The following LPGAT1 variants were observed in gnomAD, a reference collection of about 807,000 sequenced individuals.
LPGAT1 encodes the protein lysophosphatidylglycerol acyltransferase 1, also known as acyl-CoA:lysophosphatidylglycerol acyltransferase 1.
A neutral mutation model predicts 47.5 loss-of-function variants in LPGAT1; 11 were observed. The ratio of observed to expected loss-of-function variants is 0.23; its 90% CI spans 0.15 to 0.38. LPGAT1 has a LOEUF of 0.38. Ranked by LOEUF, LPGAT1 falls within the 10% of genes least tolerant of loss-of-function variation. The pLI is 1.00. For synonymous variants in LPGAT1, 138 were observed against 144.2 expected, an observed-to-expected ratio of 0.96 and a Z score of 0.31; for missense variants, 293 against 439.0, an observed-to-expected ratio of 0.67 and a Z score of 2.97.
Position 211,786,874 on chromosome 1 carries a change from A to G in LPGAT1, c.453+758T>C, listed in dbSNP as rs184079308. 2.6e-5 allele frequency among the ~76,000 whole-genome samples: 4 copies of G among 152,302 alleles called. No individual in the cohort carries two copies. The East Asian group carries it at 7.7e-4, about 29-fold the overall frequency. Reference sequence around the variant, plus strand: ...AATAGTGATACAATAGTAGTAATCAAGATAAAAATGATGATGAAGGTAGTA... The same window carrying G: ...AATAGTGATACAATAGTAGTAATCAGGATAAAAATGATGATGAAGGTAGTA... On this transcript the variant is annotated intron_variant, in intron 4 of 7. Transcript: ENST00000366997.
chr1:211,747,177 T>C lies in LPGAT1; in HGVS notation c.*2722A>G, dbSNP rs1210800255. The C allele has an allele frequency of 6.6e-6, 1 of 152,212 alleles. No individual in the cohort carries two copies. Among genetic ancestry groups the C allele is most frequent in the Admixed American group, 6.5e-5 (1 of 15,284 alleles). The allele number at this position is 152,212 out of a possible 1,614,324, so 9.4% of individuals were successfully genotyped here. A position where few individuals can be genotyped will look rare whatever the true frequency, so the allele number is the denominator to read the frequency against. On this transcript the variant is annotated 3_prime_UTR_variant, in exon 8 of 8. Coordinates refer to ENST00000366997, the MANE Select transcript of LPGAT1 (RefSeq NM_014873.3). ...ATATTGCTGCTTCCCCAGATTGCCATATAAGAATACTGATTCTCTCTTTAC... is the reference window on the plus strand; with the variant it reads ...ATATTGCTGCTTCCCCAGATTGCCACATAAGAATACTGATTCTCTCTTTAC...
At chr1:211,805,684 A>G (rs969837874) in intron 2 of LPGAT1, among the ~76,000 whole-genome samples, 13 of 152,234 alleles carry the variant, frequency 8.5e-5, no homozygotes, top group Non-Finnish European at 1.0e-4. Flanking sequence ...AATTTGGCCC[A>G]GATGGTTTCA....
At chr1:211,786,851 T>TTTAGATATCTACTATATTATACAAC (rs1658898909) in intron 4 of LPGAT1, among the ~76,000 whole-genome samples, 1 of 152,164 alleles carries the variant, frequency 6.6e-6, no homozygotes, top group Non-Finnish European at 1.5e-5. Flanking sequence ...ATAAAAGTAA[T>TTTAGATATCTACTATATTATACAAC]AGTGATACAA....
chr1:211,768,564 C>T (rs1450313970), intron 6 of LPGAT1, among the ~76,000 whole-genome samples: 1 of 152,152 alleles, frequency 6.6e-6, no homozygotes, highest in Non-Finnish European at 1.5e-5. Context: ...AAATTATAGC[C>T]AGTGCATTAT....
intron 6 of LPGAT1, among the ~76,000 whole-genome samples, chr1:211,762,000 G>C (rs372462934): frequency 2.0e-5 from 3 of 152,120 alleles, no homozygotes; most frequent in East Asian, 3.8e-4. Context: ...CACAGAATAG[G>C]TACTCTTTGT....
intron 3 of LPGAT1, among the ~76,000 whole-genome samples, chr1:211,792,715 T>TTTC (rs1233854683): frequency 1.4e-5 from 2 of 141,580 alleles, no homozygotes; most frequent in South Asian, 2.3e-4. Context: ...GATTCCCTTT[T>TTTC]TTTTTTTTTT....
rs1656924388 is a variant in LPGAT1, at chr1:211,745,941, G to A, written c.*3958C>T. On this transcript the variant is annotated 3_prime_UTR_variant, in exon 8 of 8. Transcript: ENST00000366997. ...TTTTATCCATCCTCTGTGGACCAGA[G>A]CTGAACACACTCATAATGGTAACTC... The A allele has an allele frequency of 6.6e-6, 1 of 152,586 alleles. No homozygotes were observed. Among genetic ancestry groups the A allele is most frequent in the South Asian group, 2.1e-4 (1 of 4,826 alleles). 9.5% of individuals were successfully genotyped at this position (152,586 alleles called of 1,614,324 possible).
rs545961812 is a variant in LPGAT1 at position 211,773,876 on chromosome 1, G to A, written c.854+5042C>T. ...GTAAGTCTTAGTTCTTTTAAAATAAGCATTACTTTTGAAAAAGTTCAATAA... is the reference window on the plus strand; with the variant it reads ...GTAAGTCTTAGTTCTTTTAAAATAAACATTACTTTTGAAAAAGTTCAATAA... On this transcript the variant is annotated intron_variant, in intron 6 of 7. Transcript: ENST00000366997. 4.6e-5 allele frequency among the ~76,000 whole-genome samples: 7 copies of A among 152,130 alleles called. No homozygotes were observed. In the South Asian group the frequency reaches 1.2e-3, roughly 27 times the overall value.
intron 6 of LPGAT1, among the ~76,000 whole-genome samples, chr1:211,753,911 T>C (rs1233418890): frequency 6.6e-6 from 1 of 152,218 alleles, no homozygotes; most frequent in Non-Finnish European, 1.5e-5. Flanking sequence ...TTATCTCGGC[T>C]GGGCCATTAA....
Position 211,745,445 on chromosome 1 carries a change from A to G in LPGAT1, c.*4454T>C, listed in dbSNP as rs961921530. 2.0e-4 allele frequency: 31 copies of G among 152,244 alleles called. No individual in the cohort carries two copies. The highest frequency in any genetic ancestry group is 7.5e-4 in the African/African-American group (31 of 41,458). 9.4% of individuals were successfully genotyped at this position (152,244 alleles called of 1,614,324 possible). On this transcript the variant is annotated 3_prime_UTR_variant, in exon 8 of 8. Coordinates refer to ENST00000366997, the MANE Select transcript of LPGAT1 (RefSeq NM_014873.3). ...CTTACACGTAAAGAATTTGTGCATC[A>G]CAGTCATGTGTTCAACAGTTTTACA... is the stretch of plus-strand genomic sequence containing the variant.
intron 2 of LPGAT1, among the ~76,000 whole-genome samples, chr1:211,811,015 G>A (rs1291656541): frequency 6.6e-6 from 1 of 152,200 alleles, no homozygotes; most frequent in East Asian, 1.9e-4. Context: ...TTTAAATAAA[G>A]AGAACATTCA....
intron 6 of LPGAT1, among the ~76,000 whole-genome samples, chr1:211,777,876 A>G (rs1658469337): frequency 6.6e-6 from 1 of 152,176 alleles, no homozygotes; most frequent in South Asian, 2.1e-4. Flanking sequence ...TACAGGTCAT[A>G]AAGACCTTGC....
chr1:211,760,457 C>A (rs931671721), intron 6 of LPGAT1, among the ~76,000 whole-genome samples: 1 of 152,080 alleles, frequency 6.6e-6, no homozygotes, highest in Non-Finnish European at 1.5e-5. Flanking sequence ...CTCCGTCCCC[C>A]CAACCCCCCT....
rs563067323 is a variant in LPGAT1, at chr1:211,783,467, G to C, written c.489C>G (p.Leu163=). 2 of 1,613,844 alleles carry C rather than the reference G, an allele frequency of 1.2e-6. No individual in the cohort carries two copies. The highest frequency in any genetic ancestry group is 1.7e-5 in the Admixed American group (1 of 60,020). The change falls in exon 5 of 8, where the codon CTC becomes CTG. Residue 163 remains leucine, a synonymous_variant. Coordinates refer to ENST00000366997, the MANE Select transcript of LPGAT1 (RefSeq NM_014873.3). The stretch of plus-strand genomic sequence containing the variant: ...TGTAATTATTTTCTAAGTGCTTCTT[G>C]AGAAGCAGCAGCTGTTGGTCACGAT... ...RSYRDQQLLL[L]KKHLENNYRS...
chr1:211,764,762 C>T (rs923843162), intron 6 of LPGAT1, among the ~76,000 whole-genome samples: 1 of 152,180 alleles, frequency 6.6e-6, no homozygotes, highest in Non-Finnish European at 1.5e-5. Context: ...TAAACCAAGG[C>T]AGGTATTTCC....
At chr1:211,812,737 A>G (rs1197711880) in intron 2 of LPGAT1, among the ~76,000 whole-genome samples, 1 of 152,194 alleles carries the variant, frequency 6.6e-6, no homozygotes, top group African/African-American at 2.4e-5. Flanking sequence ...AGATACACAG[A>G]GAAGAAAGGG....
At chr1:211,829,485 C>G in intron 1 of LPGAT1, 162 bp from the exon 2 acceptor site, 1 of 1,435,866 alleles carries the variant, frequency 7.0e-7, no homozygotes. Flanking sequence ...CAGAGGGGGA[C>G]AGAGAGCGAG....
chr1:211,773,152 C>T (rs1220448581), intron 6 of LPGAT1, among the ~76,000 whole-genome samples: 1 of 152,096 alleles, frequency 6.6e-6, no homozygotes, highest in East Asian at 1.9e-4. Context: ...AATTAGTTCT[C>T]AAAGTGGTCA....
chr1:211,812,667 G>A (rs964083566), intron 2 of LPGAT1, among the ~76,000 whole-genome samples: 2 of 152,204 alleles, frequency 1.3e-5, no homozygotes, highest in African/African-American at 2.4e-5. Context: ...GAGAGGAAGT[G>A]CTTATCCTGG....
Sources: allele counts gnomAD v4.1 joint callset (sites outside exome capture counted in the v4.1 genomes callset), GRCh38; gene constraint gnomAD v4.1.1; transcripts MANE v1.5; gene names NCBI Gene and HGNC (gene_info 2026-07-23, HGNC 2026-07-21).